SNTG1: variants seen among roughly 807,000 people sequenced by gnomAD.
The protein encoded by SNTG1 is gamma-1-syntrophin.
A neutral mutation model predicts 74.7 loss-of-function variants in SNTG1; 39 were observed. The observed-to-expected ratio is 0.52, with a 90% confidence interval of 0.40 to 0.68. The LOEUF is 0.68. Among genes scored for constraint, SNTG1 ranks in the 30% least tolerant of loss-of-function variants. The pLI is 0.00. For missense variants in SNTG1, 685 were observed against 609.5 expected (o/e 1.12, Z -1.30); for synonymous variants, 254 against 217.1 (o/e 1.17, Z -1.49).
intron 2 of SNTG1, among the ~76,000 whole-genome samples, chr8:50,241,678 T>C (rs548232523): frequency 2.0e-4 from 31 of 152,180 alleles, no homozygotes; most frequent in Non-Finnish European, 3.8e-4. Flanking sequence ...GATGTCTCAA[T>C]GTGAAGAGGA....
intron 2 of SNTG1, among the ~76,000 whole-genome samples, chr8:50,239,719 TTC>T (rs2086084094): frequency 5.3e-5 from 8 of 152,228 alleles, no homozygotes; most frequent in African/African-American, 1.9e-4. Context: ...GTGAGGATAC[TTC>T]GTCAATATTG....
intron 2 of SNTG1, among the ~76,000 whole-genome samples, chr8:50,275,226 G>T (rs1423675602): frequency 6.6e-6 from 1 of 152,082 alleles, no homozygotes; most frequent in Non-Finnish European, 1.5e-5. Context: ...TTTCTTAAAT[G>T]AATCAACACT....
At chr8:50,159,486 G>A (rs563570804) in intron 1 of SNTG1, among the ~76,000 whole-genome samples, 150 of 152,108 alleles carry the variant, frequency 9.9e-4, no homozygotes, top group African/African-American at 3.3e-3. Flanking sequence ...TGTGTCCTCC[G>A]CTGTTCTTTG....
chr8:50,174,710 T>A (rs999946644), intron 2 of SNTG1, among the ~76,000 whole-genome samples: 6 of 152,204 alleles, frequency 3.9e-5, no homozygotes, highest in African/African-American at 7.2e-5. Context: ...AAGCATTTTT[T>A]AAATTTTTTT....
At chr8:50,733,529 C>G (rs1193776434) in intron 17 of SNTG1, among the ~76,000 whole-genome samples, 1 of 151,982 alleles carries the variant, frequency 6.6e-6, no homozygotes, top group African/African-American at 2.4e-5. Context: ...AGTGGTGGTG[C>G]AAATTTACAT....
chr8:50,689,954 A>G (rs988458284), intron 15 of SNTG1, among the ~76,000 whole-genome samples: 3 of 152,068 alleles, frequency 2.0e-5, no homozygotes, highest in Non-Finnish European at 2.9e-5. Flanking sequence ...CAGAGATTCA[A>G]CTTCTTCCTG....
At chr8:50,408,183 A>C (rs1192095195) in intron 4 of SNTG1, among the ~76,000 whole-genome samples, 1 of 152,184 alleles carries the variant, frequency 6.6e-6, no homozygotes, top group Non-Finnish European at 1.5e-5. Flanking sequence ...GCCTTTCATT[A>C]GTTTTACAAA....
intron 13 of SNTG1, among the ~76,000 whole-genome samples, chr8:50,632,463 A>G (rs183864655): frequency 6.6e-6 from 1 of 152,168 alleles, no homozygotes; most frequent in Admixed American, 6.5e-5. Context: ...GGCATGCACC[A>G]CCACACCCAG....
chr8:50,505,511 T>C (rs1282015198), intron 9 of SNTG1, among the ~76,000 whole-genome samples: 2 of 152,162 alleles, frequency 1.3e-5, no homozygotes, highest in Non-Finnish European at 2.9e-5. Flanking sequence ...TTCTGTTTTT[T>C]TGCTTTGTTT....
chr8:50,105,700 T>C (rs2080344940), intron 1 of SNTG1, among the ~76,000 whole-genome samples: 1 of 152,114 alleles, frequency 6.6e-6, no homozygotes, highest in African/African-American at 2.4e-5. Flanking sequence ...ATGTCTCTGA[T>C]TTCTTTCAGC....
chr8:49,939,206 A>G (rs1328651609), intron 1 of SNTG1, among the ~76,000 whole-genome samples: 1 of 152,064 alleles, frequency 6.6e-6, no homozygotes, highest in African/African-American at 2.4e-5. Flanking sequence ...AAACTTTGGC[A>G]TTAGCCACCC....
chr8:50,199,555 A>G (rs1046632175), intron 2 of SNTG1, among the ~76,000 whole-genome samples: 1 of 152,150 alleles, frequency 6.6e-6, no homozygotes, highest in African/African-American at 2.4e-5. Context: ...AAGCAAATCA[A>G]CCAACGTGGA....
chr8:49,919,282 T>A (rs1806318076), intron 1 of SNTG1, among the ~76,000 whole-genome samples: 2 of 152,132 alleles, frequency 1.3e-5, no homozygotes, highest in South Asian at 2.1e-4. Flanking sequence ...GATCTTGAAG[T>A]AGGATGGGCT....
At chr8:50,519,253 A>C (rs1373397497) in intron 9 of SNTG1, among the ~76,000 whole-genome samples, 1 of 152,092 alleles carries the variant, frequency 6.6e-6, no homozygotes, top group East Asian at 1.9e-4. Flanking sequence ...AAAACTCAAC[A>C]CCCTTTTATG....
chr8:50,373,050 C>G (rs2092304147), intron 2 of SNTG1, among the ~76,000 whole-genome samples: 2 of 152,158 alleles, frequency 1.3e-5, no homozygotes, highest in East Asian at 3.9e-4. Flanking sequence ...GCATTTTACC[C>G]ACTGACTAAA....
At chr8:50,627,112 T>C (rs544137199) in intron 13 of SNTG1, among the ~76,000 whole-genome samples, 33 of 152,192 alleles carry the variant, frequency 2.2e-4, no homozygotes, top group Non-Finnish European at 4.6e-4. Flanking sequence ...CTTTTTCTGA[T>C]TTAAACACCT....
intron 1 of SNTG1, among the ~76,000 whole-genome samples, chr8:49,975,442 G>A (rs566078612): frequency 2.4e-4 from 36 of 152,184 alleles, no homozygotes; most frequent in East Asian, 1.7e-3. Context: ...TCGATTAATC[G>A]CCACAACATG....
intron 1 of SNTG1, among the ~76,000 whole-genome samples, chr8:49,966,105 C>T (rs992310546): frequency 6.6e-6 from 1 of 152,136 alleles, no homozygotes; most frequent in African/African-American, 2.4e-5. Flanking sequence ...TTTCTACTTG[C>T]TCAAGTCTCT....
intron 2 of SNTG1, among the ~76,000 whole-genome samples, chr8:50,378,612 T>A (rs766230932): frequency 6.6e-6 from 1 of 152,062 alleles, no homozygotes; most frequent in Non-Finnish European, 1.5e-5. Context: ...GTAGCTCCTT[T>A]CTTCAGGCAG....
Sources: allele counts gnomAD v4.1 joint callset (sites outside exome capture counted in the v4.1 genomes callset), GRCh38; gene constraint gnomAD v4.1.1; transcripts MANE v1.5; gene names NCBI Gene and HGNC (gene_info 2026-07-23, HGNC 2026-07-21).